The following MORC4 variants were observed in gnomAD, a reference collection of about 807,000 sequenced individuals.
MORC4 encodes MORC family CW-type zinc finger protein 4.
A neutral mutation model predicts 65.5 loss-of-function variants in MORC4; 22 were observed. That is an observed-to-expected ratio of 0.34 (90% confidence interval 0.24 to 0.48). The LOEUF is 0.48. Among genes scored for constraint, MORC4 ranks in the 20% least tolerant of loss-of-function variants. The pLI is 0.99. For synonymous variants in MORC4, 267 were observed against 255.8 expected, an observed-to-expected ratio of 1.04 and a Z score of -0.42; for missense variants, 624 against 703.0, an observed-to-expected ratio of 0.89 and a Z score of 1.27.
intron 9 of MORC4, among the ~76,000 whole-genome samples, chrX:106,962,527 G>A: frequency 9.0e-6 from 1 of 111,513 alleles, no homozygotes; most frequent in South Asian, 3.8e-4. Flanking sequence ...TTCAGAACAA[G>A]GTAAAAATCA....
At chrX:106,985,069 G>C in intron 5 of MORC4, 27 bp downstream of exon 5, 1 of 1,112,754 alleles carries the variant, frequency 9.0e-7, no homozygotes, top group Non-Finnish European at 1.2e-6. Context: ...TTGTTTATTA[G>C]AATCTATCAC....
At chrX:106,985,899 G>T in intron 4 of MORC4, 84 bp downstream of exon 4, 2 of 750,979 alleles carry the variant, frequency 2.7e-6, no homozygotes, top group Non-Finnish European at 3.9e-6. Context: ...TCTGACAGTT[G>T]GATTTGACCT....
Position 106,996,792 on chromosome X carries a change from G to C in MORC4, c.175+2885C>G, listed in dbSNP as rs185832893. ...AGTTTTCTCTCTCCTAACTTGGCTC[G>C]TGCTATCCCTTCGTGGGAGGACCCC... On this transcript the variant is annotated intron_variant, in intron 2 of 16. Coordinates refer to ENST00000355610, the MANE Select transcript of MORC4 (RefSeq NM_024657.5). Among the ~76,000 whole-genome samples the C allele has an allele frequency of 1.8e-3, 201 of 112,080 alleles. 3 individuals carry two copies. Among genetic ancestry groups the C allele is most frequent in the African/African-American group, 6.4e-3 (198 of 30,843 alleles).
intron 8 of MORC4, 23 bp from the exon 9 acceptor site, chrX:106,976,707 A>C (rs752558484): frequency 1.8e-6 from 2 of 1,087,353 alleles, no homozygotes; most frequent in Non-Finnish European, 2.6e-6. Flanking sequence ...TATTAATTTC[A>C]ACACTTACAT....
chrX:106,958,184 G>A (rs949720142), intron 11 of MORC4, 152 bp downstream of exon 11: 7 of 454,225 alleles, frequency 1.5e-5, no homozygotes, highest in Non-Finnish European at 2.2e-5. Context: ...AAGATACCAC[G>A]AAATGTAAGG....
chrX:106,972,417 T>C (rs143330046), intron 9 of MORC4, among the ~76,000 whole-genome samples: 71 of 110,740 alleles, frequency 6.4e-4, no homozygotes, highest in African/African-American at 2.3e-3. Flanking sequence ...TATACCTACA[T>C]AACAAAATTG....
chrX:106,940,991 A>T lies in MORC4; in HGVS notation c.*488T>A, dbSNP rs151164264. 922 of 112,555 alleles carry T rather than the reference A, an allele frequency of 8.2e-3. 7 individuals carry two copies. The highest frequency in any genetic ancestry group is 0.029 in the African/African-American group (884 of 30,687). 9.3% of individuals were successfully genotyped at this position (112,555 alleles called of 1,213,427 possible). ...TCTGTACCACTCAGTTGTACATATC[A>T]TACACTTTTGTGTATAATGTGATGT... On this transcript the variant is annotated 3_prime_UTR_variant, in exon 17 of 17. Coordinates refer to ENST00000355610, the MANE Select transcript of MORC4 (RefSeq NM_024657.5).
intron 9 of MORC4, 64 bp from the exon 10 acceptor site, chrX:106,962,174 AGAAGTTCC>A (rs1225727330): frequency 1.6e-5 from 13 of 823,311 alleles, no homozygotes; most frequent in Middle Eastern, 2.8e-4. Flanking sequence ...TTGATCTTTG[AGAAGTTCC>A]CATTTAACAG....
intron 5 of MORC4, among the ~76,000 whole-genome samples, chrX:106,982,807 A>G (rs767849640): frequency 1.2e-3 from 136 of 111,813 alleles, no homozygotes; most frequent in Non-Finnish European, 2.0e-3. Flanking sequence ...ACTTCATACT[A>G]TATTGCTCTT....
At chrX:106,999,437 A>G (rs1458074302) in intron 2 of MORC4, among the ~76,000 whole-genome samples, 1 of 111,337 alleles carries the variant, frequency 9.0e-6, no homozygotes, top group African/African-American at 3.3e-5. Flanking sequence ...CGAGAGAAAA[A>G]CCACACTGGT....
chrX:106,978,606 TCACACACACACACGCA>T (rs1469658450), intron 7 of MORC4, among the ~76,000 whole-genome samples: 2 of 107,305 alleles, frequency 1.9e-5, no homozygotes, highest in Non-Finnish European at 3.9e-5. Flanking sequence ...TATAAAAACA[TCACACACACACACGCA>T]CACACACACA....
chrX:106,961,904 C>T, intron 10 of MORC4, 108 bp downstream of exon 10: 1 of 621,143 alleles, frequency 1.6e-6, no homozygotes, highest in Non-Finnish European at 2.6e-6. Flanking sequence ...GTCAGTGACA[C>T]CACGAACCCA....
chrX:106,985,306 G>T, intron 4 of MORC4, 63 bp from the exon 5 acceptor site: 1 of 879,171 alleles, frequency 1.1e-6, no homozygotes, highest in Non-Finnish European at 1.6e-6. Flanking sequence ...AGGAAGATCT[G>T]CCCTTTGGAT....
At chrX:106,956,208 T>C (rs1337106791) in intron 13 of MORC4, among the ~76,000 whole-genome samples, 1 of 111,777 alleles carries the variant, frequency 8.9e-6, no homozygotes, top group Admixed American at 9.5e-5. Flanking sequence ...ACCCTGAATA[T>C]TCTGTGACAT....
intron 2 of MORC4, among the ~76,000 whole-genome samples, chrX:106,995,024 T>C (rs767923083): frequency 8.9e-6 from 1 of 111,832 alleles, no homozygotes; most frequent in South Asian, 3.8e-4. Context: ...TTCTAGCTAT[T>C]TGAAAATATA....
chrX:106,956,347 A>G (rs1934104331), intron 13 of MORC4, 133 bp downstream of exon 13: 6 of 608,611 alleles, frequency 9.9e-6, no homozygotes, highest in Non-Finnish European at 8.0e-6. Flanking sequence ...AAAAGATTCA[A>G]TGAAAAGAAG....
At position 106,973,789 on chromosome X, in the gene MORC4, G is replaced by A. The variant is rs900479151; in HGVS notation, c.1157+2795C>T. Among the ~76,000 whole-genome samples the A allele has an allele frequency of 5.4e-5, 6 of 111,483 alleles. No individual in the cohort carries two copies. In the Admixed American group the frequency reaches 5.7e-4, roughly 11 times the overall value. ...TGAAGGTGATGGAAGAGGGCCATGG[G>A]CAAGAAATGCTGGCAGCCTCTATAA... On this transcript the variant is annotated intron_variant, in intron 9 of 16. Coordinates refer to ENST00000355610, the MANE Select transcript of MORC4 (RefSeq NM_024657.5).
In MORC4 at chrX:106,941,443, G is replaced by C. The variant is rs1933675732; in HGVS notation, c.*36C>G. ...GGAGGGAGAGAAAAGAGAACAGACA[G>C]AAGATAAGAGAAGAGAAGGGTATAC... On this transcript the variant is annotated 3_prime_UTR_variant, in exon 17 of 17. Coordinates refer to ENST00000355610, the MANE Select transcript of MORC4 (RefSeq NM_024657.5). 9.1e-7 allele frequency: 1 copy of C among 1,098,820 alleles called. No individual in the cohort carries two copies. The highest frequency in any genetic ancestry group is 1.2e-6 in the Non-Finnish European group (1 of 813,092). 90.6% of individuals were successfully genotyped at this position (1,098,820 alleles called of 1,213,427 possible). A position where few individuals can be genotyped will look rare whatever the true frequency, so the allele number is the denominator to read the frequency against.
At chrX:106,963,839 G>T (rs1313456544) in intron 9 of MORC4, among the ~76,000 whole-genome samples, 1 of 109,282 alleles carries the variant, frequency 9.2e-6, no homozygotes, top group African/African-American at 3.3e-5. Flanking sequence ...TACTTCTCAG[G>T]TCAATCCTTG....
Sources: allele counts gnomAD v4.1 joint callset (sites outside exome capture counted in the v4.1 genomes callset), GRCh38; gene constraint gnomAD v4.1.1; transcripts MANE v1.5; gene names NCBI Gene and HGNC (gene_info 2026-07-23, HGNC 2026-07-21).